TEX14: variants seen among roughly 807,000 people sequenced by gnomAD.
TEX14 encodes the protein testis expressed 14, intercellular bridge forming factor, also known as inactive serine/threonine-protein kinase TEX14.
A neutral mutation model predicts 178.6 loss-of-function variants in TEX14; 168 were observed. The ratio of observed to expected loss-of-function variants is 0.94; its 90% CI spans 0.83 to 1.07. TEX14 has a LOEUF of 1.07. Among genes scored for constraint, TEX14 ranks in the 50% least tolerant of loss-of-function variants. TEX14 has a pLI of 0.00. For missense variants in TEX14, 1,730 were observed against 1,753.6 expected, an observed-to-expected ratio of 0.99 and a Z score of 0.24; for synonymous variants, 626 against 634.1, an observed-to-expected ratio of 0.99 and a Z score of 0.19.
intron 5 of TEX14, among the ~76,000 whole-genome samples, chr17:58,618,856 A>G (rs1427479315): frequency 6.6e-6 from 1 of 152,246 alleles, no homozygotes; most frequent in African/African-American, 2.4e-5. Flanking sequence ...TAAACTGAGC[A>G]TCCCAATTTA....
chr17:58,597,631 A>G (rs771405839), intron 14 of TEX14, among the ~76,000 whole-genome samples: 22 of 152,124 alleles, frequency 1.4e-4, no homozygotes, highest in Non-Finnish European at 4.4e-5. Context: ...CTTGAGCTTC[A>G]CACTCTGTAA....
intron 28 of TEX14, among the ~76,000 whole-genome samples, chr17:58,562,948 T>C (rs2144331597): frequency 6.6e-6 from 1 of 152,110 alleles, no homozygotes; most frequent in South Asian, 2.1e-4. Flanking sequence ...GGCATGAGCC[T>C]ATAGACCCAA....
chr17:58,644,364 G>A (rs906173469), intron 2 of TEX14, among the ~76,000 whole-genome samples: 2 of 152,064 alleles, frequency 1.3e-5, no homozygotes, highest in East Asian at 1.9e-4. Context: ...ACGGAGTCTC[G>A]CTCTGTCACC....
intron 9 of TEX14, among the ~76,000 whole-genome samples, chr17:58,612,689 C>T (rs1031601849): frequency 1.4e-4 from 20 of 143,366 alleles, no homozygotes; most frequent in African/African-American, 4.5e-4. Flanking sequence ...GAGCAGAGAT[C>T]GTGCCACTGT....
intron 28 of TEX14, among the ~76,000 whole-genome samples, chr17:58,563,887 C>A (rs1326724561): frequency 6.0e-5 from 9 of 149,662 alleles, no homozygotes; most frequent in East Asian, 2.0e-4. Flanking sequence ...AAATGGCCAA[C>A]AAGCACATGA....
chr17:58,653,062 G>A (rs934170563), intron 1 of TEX14, among the ~76,000 whole-genome samples: 1 of 151,884 alleles, frequency 6.6e-6, no homozygotes, highest in Non-Finnish European at 1.5e-5. Context: ...TCAGCCTCCC[G>A]AGTAGTTGGG....
intron 2 of TEX14, among the ~76,000 whole-genome samples, chr17:58,645,364 AT>A (rs942793960): frequency 2.5e-3 from 339 of 136,136 alleles, no homozygotes; most frequent in Middle Eastern, 9.5e-3. Context: ...GGCTTCTATA[AT>A]TTTTTTTTTT....
At position 58,593,610 on chromosome 17, in the gene TEX14, A is replaced by C. The variant is rs769582628; in HGVS notation, c.2521T>G (p.Cys841Gly). ...GKQNTDEQFQCTQGAKDSLET... is the reference protein window; with the variant it reads ...GKQNTDEQFQGTQGAKDSLET... ...AAACTGTCCTTGGCTCCTTGAGTGC[A>C]CTGAAATTGTTCATCTGTGTTCTGT... Residue 841 changes from cysteine (C) to glycine (G), a missense_variant, in exon 15 of 32, where the codon TGC (cysteine) becomes GGC (glycine). Cys to Gly is a radical substitution (Grantham distance 159). This residue lies in a region of TEX14 where 941 missense variants were observed against 1,072.4 expected (regional missense o/e 0.88). Transcript: ENST00000349033. The C allele has an allele frequency of 3.7e-6, 6 of 1,614,038 alleles. No homozygotes were observed. In the African/African-American group the frequency reaches 8.0e-5, roughly 22 times the overall value.
chr17:58,676,669 A>G (rs2047399980), intron 1 of TEX14, among the ~76,000 whole-genome samples: 1 of 152,240 alleles, frequency 6.6e-6, no homozygotes, highest in Non-Finnish European at 1.5e-5. Flanking sequence ...TTTCAATTCT[A>G]TAGTCATTGT....
intron 1 of TEX14, among the ~76,000 whole-genome samples, chr17:58,654,462 C>A (rs1424821954): frequency 4.7e-5 from 7 of 148,878 alleles, no homozygotes; most frequent in African/African-American, 1.7e-4. Flanking sequence ...AGGCATGGAC[C>A]TTGAATGTAT....
At position 58,599,078 on chromosome 17, in the gene TEX14, T is replaced by G; in HGVS notation, c.2267A>C (p.Asp756Ala). ...TTCCTTCTGTTTCATCTCGACTTCA[T>G]CTAATATCTGCTCGATATTCCTCAG... ...DRLRNIEQIL[D>A]EVEMKQKEQE... is the part of the protein sequence containing the mutation. Residue 756 changes from aspartate to alanine, a missense_variant, in exon 14 of 32, where the codon GAT becomes GCT. Around this residue, in one of 2 missense-constraint regions of TEX14, gnomAD observed 941 missense variants for 1,072.4 expected, o/e 0.88. Coordinates refer to ENST00000349033, the MANE Select transcript of TEX14 (RefSeq NM_031272.5). The G allele has an allele frequency of 1.2e-6, 2 of 1,614,170 alleles. No individual in the cohort carries two copies. The highest frequency in any genetic ancestry group is 1.7e-6 in the Non-Finnish European group (2 of 1,180,002).
intron 10 of TEX14, among the ~76,000 whole-genome samples, chr17:58,609,260 C>T (rs2045688771): frequency 6.6e-6 from 1 of 152,240 alleles, no homozygotes; most frequent in Non-Finnish European, 1.5e-5. Flanking sequence ...CAGGCGCCTG[C>T]CACCACGCCC....
intron 1 of TEX14, among the ~76,000 whole-genome samples, chr17:58,677,202 G>A (rs1291194688): frequency 6.6e-6 from 1 of 151,954 alleles, no homozygotes; most frequent in Admixed American, 6.6e-5. Context: ...CAGAAGGACT[G>A]AGTCCAGGAG....
chr17:58,573,434 G>T, intron 22 of TEX14, 126 bp from the exon 23 acceptor site: 2 of 795,954 alleles, frequency 2.5e-6, no homozygotes, highest in Non-Finnish European at 4.1e-6. Context: ...GCCAGAATTA[G>T]AGAATATCTT....
chr17:58,607,536 T>C (rs1167785309), intron 10 of TEX14, among the ~76,000 whole-genome samples: 7 of 152,206 alleles, frequency 4.6e-5, no homozygotes, highest in East Asian at 1.9e-4. Flanking sequence ...AACCAATCAA[T>C]TGGGTAACTT....
chr17:58,638,319 C>T (rs530585782), intron 2 of TEX14, among the ~76,000 whole-genome samples: 2 of 151,736 alleles, frequency 1.3e-5, no homozygotes, highest in South Asian at 2.1e-4. Flanking sequence ...GACCAGTCTG[C>T]GCAACACAGC....
chr17:58,565,891 A>G, intron 26 of TEX14, 67 bp from the exon 27 acceptor site: 1 of 1,284,806 alleles, frequency 7.8e-7, no homozygotes, highest in Non-Finnish European at 1.1e-6. Flanking sequence ...TCTCTAGAGC[A>G]GTGGTTCTCC....
intron 2 of TEX14, among the ~76,000 whole-genome samples, chr17:58,651,091 A>G (rs1167551344): frequency 6.6e-6 from 1 of 152,170 alleles, no homozygotes; most frequent in Non-Finnish European, 1.5e-5. Flanking sequence ...AACATGGCGA[A>G]AGCATCTCTA....
At position 58,664,880 on chromosome 17, in the gene TEX14, G is replaced by C. The variant is rs534135473; in HGVS notation, c.-1-12878C>G. On this transcript the variant is annotated intron_variant, in intron 1 of 31. Coordinates refer to ENST00000349033, the MANE Select transcript of TEX14 (RefSeq NM_031272.5). ...GGCAGTGTGCCTGTGGTACGTAACA[G>C]ATAAGGCCACCCTGGGTTCAGTGGC... Among the ~76,000 whole-genome samples, 4 of 152,264 alleles carry C rather than the reference G, an allele frequency of 2.6e-5. No homozygotes were observed. The South Asian group carries it at 6.2e-4, about 24-fold the overall frequency.
Sources: gnomAD v4.1 joint callset for allele counts (sites outside exome capture counted in the v4.1 genomes callset) on GRCh38, gnomAD v4.1.1 for gene constraint, gnomAD v4.1.1 regional missense constraint, MANE v1.5 for transcripts, NCBI Gene and HGNC (gene_info 2026-07-23, HGNC 2026-07-21) for gene names.